Variants in HHLA2 observed in about 807,000 individuals in gnomAD.
HHLA2 encodes the protein HERV-H LTR-associating protein 2.
In HHLA2, 48 loss-of-function variants were observed where a neutral mutation model predicts 45.9. The observed-to-expected ratio is 1.05, with a 90% CI of 0.83 to 1.33. The LOEUF is 1.33. Ranked by LOEUF, HHLA2 falls within the 40% of genes most tolerant of loss-of-function variation. The probability of loss-of-function intolerance (pLI) is 0.00; values close to 1 mark genes in which losing one functional copy is unlikely to be tolerated. For synonymous variants in HHLA2, 161 were observed against 173.9 expected (o/e 0.93, Z 0.59); for missense variants, 462 against 494.3 (o/e 0.93, Z 0.62).
chr3:108,366,623 G>A (rs1576176755), intron 8 of HHLA2, among the ~76,000 whole-genome samples: 1 of 152,132 alleles, frequency 6.6e-6, no homozygotes, highest in South Asian at 2.1e-4. Flanking sequence ...TTTTTGGCTG[G>A]TGGGTTATTA....
intron 3 of HHLA2, among the ~76,000 whole-genome samples, chr3:108,331,438 C>T (rs774881985): frequency 6.6e-6 from 1 of 152,082 alleles, no homozygotes. Flanking sequence ...TATTGCAGAA[C>T]CATTTGAAAG....
intron 2 of HHLA2, among the ~76,000 whole-genome samples, chr3:108,323,064 G>T (rs1265764079): frequency 6.8e-6 from 1 of 147,722 alleles, no homozygotes. Context: ...TTGTTTGTTT[G>T]TTTTGACCTC....
At chr3:108,337,935 G>C (rs2081502284) in intron 3 of HHLA2, among the ~76,000 whole-genome samples, 1 of 151,990 alleles carries the variant, frequency 6.6e-6, no homozygotes, top group South Asian at 2.1e-4. Context: ...AATTTTAAAG[G>C]CATTTGAAAA....
At chr3:108,370,449 C>T (rs2082150003) in intron 8 of HHLA2, among the ~76,000 whole-genome samples, 1 of 152,198 alleles carries the variant, frequency 6.6e-6, no homozygotes, top group South Asian at 2.1e-4. Context: ...CGCAGCTCCT[C>T]ACCAGCAACG....
exon 5 of HHLA2, chr3:108,353,539 C>T (rs759052527): frequency 1.2e-5 from 20 of 1,613,162 alleles, no homozygotes; most frequent in Admixed American, 5.0e-5. Context: ...GATCCGAAGT[C>T]GTAATACACT....
intron 3 of HHLA2, among the ~76,000 whole-genome samples, chr3:108,338,944 T>C (rs1161773435): frequency 1.3e-5 from 2 of 152,212 alleles, no homozygotes; most frequent in East Asian, 3.8e-4. Context: ...AATCAATGTT[T>C]TCAGGAGACT....
chr3:108,355,499 G>A (rs994883245), intron 6 of HHLA2, 118 bp downstream of exon 5: 45 of 1,202,680 alleles, frequency 3.7e-5, no homozygotes, highest in East Asian at 1.4e-4. Context: ...CATCTGCAGC[G>A]GTTAGAAGAC....
intron 1 of HHLA2, among the ~76,000 whole-genome samples, chr3:108,297,591 G>T (rs1331333680): frequency 1.3e-5 from 2 of 152,146 alleles, no homozygotes; most frequent in Admixed American, 1.3e-4. Flanking sequence ...TGTAGAAAGT[G>T]TTTAATAAAT....
At chr3:108,339,781 T>C (rs73204201) in intron 3 of HHLA2, among the ~76,000 whole-genome samples, 6,136 of 152,276 alleles carry the variant, frequency 0.04, 182 homozygotes, top group Non-Finnish European at 0.054. Flanking sequence ...ATTCCTCCTG[T>C]CAAACTTACC....
At chr3:108,306,487 G>T (rs1472817834) in intron 1 of HHLA2, among the ~76,000 whole-genome samples, 1 of 152,012 alleles carries the variant, frequency 6.6e-6, no homozygotes, top group African/African-American at 2.4e-5. Flanking sequence ...GGGCCTGCTC[G>T]AGCTCTCCCT....
At chr3:108,338,481 C>A (rs1480884765) in intron 3 of HHLA2, among the ~76,000 whole-genome samples, 1 of 152,208 alleles carries the variant, frequency 6.6e-6, no homozygotes, top group East Asian at 1.9e-4. Context: ...CATGTGTGCT[C>A]CTATGCACTT....
chr3:108,367,297 C>G (rs149330115), intron 8 of HHLA2, among the ~76,000 whole-genome samples: 223 of 152,244 alleles, frequency 1.5e-3, no homozygotes, highest in African/African-American at 5.0e-3. Flanking sequence ...AATGCTTCTT[C>G]TCTTCCAAAT....
chr3:108,317,917 C>T (rs2081130458), intron 2 of HHLA2, among the ~76,000 whole-genome samples: 1 of 152,040 alleles, frequency 6.6e-6, no homozygotes, highest in African/African-American at 2.4e-5. Context: ...CATGGTGGCT[C>T]ACACCTATAA....
intron 3 of HHLA2, among the ~76,000 whole-genome samples, chr3:108,341,742 A>G (rs1203179960): frequency 6.6e-6 from 1 of 152,196 alleles, no homozygotes; most frequent in Non-Finnish European, 1.5e-5. Context: ...GTTTAAATGT[A>G]TTACTTAATT....
intron 3 of HHLA2, among the ~76,000 whole-genome samples, chr3:108,342,891 G>A (rs913282220): frequency 3.3e-5 from 5 of 152,102 alleles, no homozygotes; most frequent in African/African-American, 4.8e-5. Flanking sequence ...AAGCTCAAGC[G>A]TCTTTCCTGT....
At chr3:108,373,567 A>G (rs1257019597) in intron 8 of HHLA2, among the ~76,000 whole-genome samples, 1 of 152,234 alleles carries the variant, frequency 6.6e-6, no homozygotes, top group Non-Finnish European at 1.5e-5. Flanking sequence ...ATGACGGTAT[A>G]TCTAGAAAAC....
At chr3:108,322,272 T>C (rs146903588) in intron 2 of HHLA2, among the ~76,000 whole-genome samples, 210 of 152,324 alleles carry the variant, frequency 1.4e-3, no homozygotes, top group African/African-American at 4.8e-3. Context: ...TAGATATCTG[T>C]TTGATAAATT....
At chr3:108,323,386 TA>T (rs2081237583) in intron 2 of HHLA2, among the ~76,000 whole-genome samples, 1 of 152,132 alleles carries the variant, frequency 6.6e-6, no homozygotes, top group South Asian at 2.1e-4. Flanking sequence ...ATGTACCCCA[TA>T]AATATATATA....
intron 3 of HHLA2, among the ~76,000 whole-genome samples, chr3:108,333,265 C>T (rs768343072): frequency 1.1e-4 from 16 of 152,148 alleles, no homozygotes. Context: ...GTAGAGGTGA[C>T]GTGATTCAAA....
Sources: allele counts gnomAD v4.1 joint callset (sites outside exome capture counted in the v4.1 genomes callset), GRCh38; gene constraint gnomAD v4.1.1; transcripts MANE v1.5; gene names NCBI Gene and HGNC (gene_info 2026-07-23, HGNC 2026-07-21).